RNF220: variants seen among roughly 807,000 people sequenced by gnomAD.
RNF220 encodes ring finger protein 220.
In RNF220, 7 loss-of-function variants were observed where a neutral mutation model predicts 67.1. That is an observed-to-expected ratio of 0.10 (90% CI 0.06 to 0.20). The LOEUF is 0.20. Among genes scored for constraint, RNF220 ranks in the 10% least tolerant of loss-of-function variants. The pLI is 1.00. For synonymous variants in RNF220, 270 were observed against 283.2 expected, an observed-to-expected ratio of 0.95 and a Z score of 0.47; for missense variants, 565 against 740.3, an observed-to-expected ratio of 0.76 and a Z score of 2.75.
At chr1:44,640,227 T>G (rs75213740) in intron 8 of RNF220, among the ~76,000 whole-genome samples, 35,052 of 152,296 alleles carry the variant, frequency 0.23, 5,262 homozygotes, top group Middle Eastern at 0.33. Flanking sequence ...TTTGGTGTGC[T>G]AGTTCTCAAA....
chr1:44,498,096 G>A (rs1347842555), intron 2 of RNF220, among the ~76,000 whole-genome samples: 1 of 152,214 alleles, frequency 6.6e-6, no homozygotes, highest in African/African-American at 2.4e-5. Flanking sequence ...ACCCAGGCGT[G>A]CCAGAAGGAA....
chr1:44,634,887 A>G (rs1221743354), intron 6 of RNF220, among the ~76,000 whole-genome samples: 4 of 152,138 alleles, frequency 2.6e-5, no homozygotes, highest in East Asian at 1.9e-4. Context: ...GGTGGGCACA[A>G]TAAGGGCTGC....
chr1:44,499,716 C>G (rs1657660096), intron 2 of RNF220, among the ~76,000 whole-genome samples: 1 of 147,994 alleles, frequency 6.8e-6, no homozygotes, highest in Admixed American at 6.6e-5. Flanking sequence ...CTAGACCTCT[C>G]CCCTGAACTA....
intron 3 of RNF220, among the ~76,000 whole-genome samples, chr1:44,618,248 G>A (rs2148440124): frequency 6.6e-6 from 1 of 152,296 alleles, no homozygotes; most frequent in Non-Finnish European, 1.5e-5. Flanking sequence ...AGGGCTGGCT[G>A]TGTTTCAGAC....
chr1:44,570,843 G>A (rs903410475), intron 2 of RNF220, among the ~76,000 whole-genome samples: 7 of 152,142 alleles, frequency 4.6e-5, no homozygotes, highest in African/African-American at 1.7e-4. Flanking sequence ...GAAGGTCAAG[G>A]CGGGTAGGTC....
chr1:44,510,156 T>C (rs1274365754), intron 2 of RNF220, among the ~76,000 whole-genome samples: 1 of 150,464 alleles, frequency 6.6e-6, no homozygotes, highest in Non-Finnish European at 1.5e-5. Flanking sequence ...AGAGGATTGC[T>C]TGAGCCCAGG....
intron 2 of RNF220, among the ~76,000 whole-genome samples, chr1:44,524,119 G>A (rs1240154527): frequency 6.6e-6 from 1 of 151,988 alleles, no homozygotes; most frequent in Non-Finnish European, 1.5e-5. Flanking sequence ...GATGCTGGAG[G>A]GGGGCAAAGG....
intron 2 of RNF220, among the ~76,000 whole-genome samples, chr1:44,548,770 G>C (rs554788182): frequency 1.3e-5 from 2 of 152,254 alleles, no homozygotes; most frequent in South Asian, 4.1e-4. Flanking sequence ...AGGATTACAG[G>C]CGTGAGCCAC....
rs1644597193 is a variant in RNF220, at chr1:44,645,043, A to C, written c.1272A>C (p.Glu424Asp). 1 of 1,613,982 alleles carries C rather than the reference A, an allele frequency of 6.2e-7. No individual in the cohort carries two copies. Among genetic ancestry groups the C allele is most frequent in the South Asian group, 1.1e-5 (1 of 91,084 alleles). The change falls in exon 10 of 15, where the codon GAA becomes GAC. Residue 424 changes from glutamate (E) to aspartate (D), a missense_variant. Coordinates refer to ENST00000361799, the MANE Select transcript of RNF220 (RefSeq NM_018150.4). This position sits in a 1 kb window ranked among gnomAD's most constrained non-coding sequence, Gnocchi z 5.0. ...VIPCTGEEPG[E>D]AKEREALRGA... ...CCTGCACAGGCGAGGAGCCTGGTGAAGCCAAGGAGAGAGAGGCACTTCGGG... is the reference window on the plus strand; with the variant it reads ...CCTGCACAGGCGAGGAGCCTGGTGACGCCAAGGAGAGAGAGGCACTTCGGG...
chr1:44,543,335 AG>A (rs1267927281), intron 2 of RNF220, among the ~76,000 whole-genome samples: 1 of 151,322 alleles, frequency 6.6e-6, no homozygotes, highest in African/African-American at 2.4e-5. Flanking sequence ...GGGGGAGGGG[AG>A]GGGGTGATGG....
At chr1:44,631,228 T>C (rs1243285018) in intron 5 of RNF220, among the ~76,000 whole-genome samples, 1 of 152,216 alleles carries the variant, frequency 6.6e-6, no homozygotes, top group African/African-American at 2.4e-5. Context: ...CAGAGATGAA[T>C]GTACTCTTAC....
At chr1:44,465,294 C>T (rs1037866133) in intron 2 of RNF220, among the ~76,000 whole-genome samples, 24 of 152,088 alleles carry the variant, frequency 1.6e-4, no homozygotes, top group African/African-American at 5.8e-4. Flanking sequence ...CCCATAGTCA[C>T]AATAATCCTT....
In RNF220 at chr1:44,650,749, G is replaced by C; in HGVS notation, c.1675G>C (p.Gly559Arg). ...CPQCNTITAPGDLRRIYL is the reference protein window; with the variant it reads ...CPQCNTITAPRDLRRIYL ...TCAGTGCAACACGATCACAGCGCCC[G>C]GAGACCTGCGGAGGATCTACTTGTG... Residue 559 changes from glycine (G) to arginine (R), a missense_variant, in exon 15 of 15, where the codon GGA (glycine) becomes CGA (arginine). Coordinates refer to ENST00000361799, the MANE Select transcript of RNF220 (RefSeq NM_018150.4). This position sits in a 1 kb window ranked among gnomAD's most constrained non-coding sequence, Gnocchi z 4.3. The C allele has an allele frequency of 6.2e-7, 1 of 1,613,850 alleles. No individual in the cohort carries two copies. The highest frequency in any genetic ancestry group is 8.5e-7 in the Non-Finnish European group (1 of 1,179,958).
chr1:44,525,862 T>G (rs544249924), intron 2 of RNF220, among the ~76,000 whole-genome samples: 1 of 152,280 alleles, frequency 6.6e-6, no homozygotes, highest in African/African-American at 2.4e-5. Context: ...GTCTCAAAAA[T>G]AATGAACTCT....
rs531406745 is a variant in RNF220 at position 44,623,470 on chromosome 1, T to G, written c.804+683T>G. 2.0e-5 allele frequency among the ~76,000 whole-genome samples: 3 copies of G among 152,372 alleles called. No individual in the cohort carries two copies. The South Asian group carries it at 6.2e-4, about 32-fold the overall frequency. ...TGGCCATGGACACAGTGGGTACTAC[T>G]TACCCAAAGGTGGTTTTGAGGGGAT... On this transcript the variant is annotated intron_variant, in intron 4 of 14. Transcript: ENST00000361799.
chr1:44,642,237 T>A (rs574585956), intron 8 of RNF220, among the ~76,000 whole-genome samples: 1 of 152,294 alleles, frequency 6.6e-6, no homozygotes, highest in African/African-American at 2.4e-5. Flanking sequence ...CACCTGTGTA[T>A]AAGAACGTGG....
At chr1:44,447,920 C>T (rs891375968) in intron 2 of RNF220, among the ~76,000 whole-genome samples, 2 of 152,220 alleles carry the variant, frequency 1.3e-5, no homozygotes, top group Admixed American at 6.5e-5. Context: ...CTCCTGGTAA[C>T]AGCTTTGCGC....
intron 8 of RNF220, chr1:44,636,406 G>C (rs1224364623): frequency 1.4e-6 from 1 of 723,718 alleles, no homozygotes; most frequent in African/African-American, 1.7e-5. Context: ...ACGAAGGGGG[G>C]CTCTCAGCTT....
chr1:44,646,130 A>G (rs1290390255), intron 12 of RNF220, among the ~76,000 whole-genome samples: 1 of 152,150 alleles, frequency 6.6e-6, no homozygotes, highest in African/African-American at 2.4e-5. Flanking sequence ...TGCTGCTGCC[A>G]TTGGTCATTG....
Sources: allele counts gnomAD v4.1 joint callset (sites outside exome capture counted in the v4.1 genomes callset), GRCh38; gene constraint gnomAD v4.1.1; non-coding constraint Gnocchi (gnomAD v3.1); transcripts MANE v1.5; gene names NCBI Gene and HGNC (gene_info 2026-07-23, HGNC 2026-07-21).